ZFPM2: variants seen among roughly 807,000 people sequenced by gnomAD.
The protein encoded by ZFPM2 is zinc finger protein ZFPM2.
A neutral mutation model predicts 98.6 loss-of-function variants in ZFPM2; 20 were observed. The ratio of observed to expected loss-of-function variants is 0.20; its 90% CI spans 0.14 to 0.29. The LOEUF (loss-of-function observed/expected upper bound fraction) is 0.29. Ranked by LOEUF, ZFPM2 falls within the 10% of genes least tolerant of loss-of-function variation. The pLI is 1.00. For missense variants in ZFPM2, 1,310 were observed against 1,388.6 expected (o/e 0.94, Z 0.90); for synonymous variants, 518 against 502.7 (o/e 1.03, Z -0.41).
intron 5 of ZFPM2, among the ~76,000 whole-genome samples, chr8:105,710,875 G>C (rs1209355697): frequency 1.3e-5 from 2 of 151,974 alleles, no homozygotes; most frequent in Non-Finnish European, 2.9e-5. Context: ...TATTCGTAAG[G>C]TCATTATGAA....
chr8:105,425,917 G>A (rs1811898424), intron 2 of ZFPM2, among the ~76,000 whole-genome samples: 1 of 152,138 alleles, frequency 6.6e-6, no homozygotes, highest in Non-Finnish European at 1.5e-5. Context: ...TTGATCCCAT[G>A]TCAAACATCA....
chr8:105,532,108 C>T (rs1160855645), intron 3 of ZFPM2, among the ~76,000 whole-genome samples: 1 of 152,036 alleles, frequency 6.6e-6, no homozygotes, highest in African/African-American at 2.4e-5. Flanking sequence ...AGCCATGTTG[C>T]CCAGGCTTGT....
intron 3 of ZFPM2, among the ~76,000 whole-genome samples, chr8:105,499,083 C>T (rs528639164): frequency 6.6e-6 from 1 of 152,268 alleles, no homozygotes; most frequent in Admixed American, 6.5e-5. Flanking sequence ...GCCTCAGCCT[C>T]TTGTCCCCTC....
intron 5 of ZFPM2, among the ~76,000 whole-genome samples, chr8:105,647,141 C>G (rs562770599): frequency 6.6e-6 from 1 of 152,158 alleles, no homozygotes; most frequent in Admixed American, 6.5e-5. Context: ...TGGCCTGCAG[C>G]TCTTCAAGTA....
chr8:105,389,040 G>GTT (rs1811056820), intron 1 of ZFPM2, among the ~76,000 whole-genome samples: 1 of 149,298 alleles, frequency 6.7e-6, no homozygotes, highest in Non-Finnish European at 1.5e-5. Flanking sequence ...GTGTGTGTGT[G>GTT]TGTGTGTGTG....
intron 6 of ZFPM2, chr8:105,796,763 T>C (rs1435334352): frequency 6.6e-6 from 1 of 152,192 alleles, no homozygotes; most frequent in African/African-American, 2.4e-5. Flanking sequence ...TCTGTATTTC[T>C]TACAGAAATA....
At chr8:105,474,342 A>G (rs371787778) in intron 3 of ZFPM2, among the ~76,000 whole-genome samples, 17 of 152,332 alleles carry the variant, frequency 1.1e-4, no homozygotes, top group Admixed American at 4.6e-4. Flanking sequence ...ACAATTTTCA[A>G]TCCAGCTACA....
At chr8:105,629,365 G>A (rs1464008556) in intron 4 of ZFPM2, among the ~76,000 whole-genome samples, 3 of 152,146 alleles carry the variant, frequency 2.0e-5, no homozygotes, top group African/African-American at 4.8e-5. Flanking sequence ...GAATAACAAG[G>A]TATATTTGAT....
At chr8:105,577,435 T>C (rs1815490959) in intron 4 of ZFPM2, among the ~76,000 whole-genome samples, 1 of 148,076 alleles carries the variant, frequency 6.8e-6, no homozygotes, top group African/African-American at 2.5e-5. Flanking sequence ...TTCTTTATAC[T>C]CTTAACTTAC....
chr8:105,408,403 A>C (rs1811506945), intron 1 of ZFPM2, among the ~76,000 whole-genome samples: 1 of 151,850 alleles, frequency 6.6e-6, no homozygotes, highest in Admixed American at 6.6e-5. Context: ...CTTGTAATAA[A>C]GTTCCGTGTT....
intron 4 of ZFPM2, among the ~76,000 whole-genome samples, chr8:105,621,648 T>C (rs979502054): frequency 6.6e-6 from 1 of 152,176 alleles, no homozygotes; most frequent in African/African-American, 2.4e-5. Flanking sequence ...TATAATGAGC[T>C]TGATTATTAA....
intron 3 of ZFPM2, among the ~76,000 whole-genome samples, chr8:105,523,675 T>C (rs1814110586): frequency 6.6e-6 from 1 of 152,222 alleles, no homozygotes; most frequent in South Asian, 2.1e-4. Flanking sequence ...TGGTTGTTAC[T>C]ATGTTGGTGA....
chr8:105,442,507 G>C (rs533475271), intron 2 of ZFPM2, among the ~76,000 whole-genome samples: 1 of 152,254 alleles, frequency 6.6e-6, no homozygotes, highest in South Asian at 2.1e-4. Context: ...AAACATAGTA[G>C]ATGCTCAATA....
chr8:105,344,177 G>A (rs979490325), intron 1 of ZFPM2, among the ~76,000 whole-genome samples: 4 of 152,054 alleles, frequency 2.6e-5, no homozygotes, highest in African/African-American at 9.7e-5. Context: ...CAACTCATGG[G>A]AATTGTCAGA....
At chr8:105,751,792 G>GT (rs1812483639) in intron 5 of ZFPM2, among the ~76,000 whole-genome samples, 1 of 145,458 alleles carries the variant, frequency 6.9e-6, no homozygotes, top group South Asian at 2.2e-4. Context: ...TAGGTAGATT[G>GT]TTAAAAAAAA....
chr8:105,448,826 C>T (rs981445166), intron 3 of ZFPM2, among the ~76,000 whole-genome samples: 6 of 152,030 alleles, frequency 3.9e-5, no homozygotes, highest in East Asian at 1.9e-4. Flanking sequence ...ACTTGCTAAA[C>T]GTAAGTGGTC....
At chr8:105,773,071 TTAAA>T (rs1813016981) in intron 5 of ZFPM2, among the ~76,000 whole-genome samples, 1 of 152,154 alleles carries the variant, frequency 6.6e-6, no homozygotes, top group Non-Finnish European at 1.5e-5. Flanking sequence ...TAGAATAGAA[TTAAA>T]TAAATAAAGC....
intron 5 of ZFPM2, among the ~76,000 whole-genome samples, chr8:105,761,256 C>T (rs114914246): frequency 2.8e-4 from 42 of 152,142 alleles, no homozygotes; most frequent in African/African-American, 7.9e-4. Context: ...CTTTTAAGAG[C>T]ACAGAGTAAG....
At chr8:105,563,437 A>C (rs1384318664) in intron 4 of ZFPM2, among the ~76,000 whole-genome samples, 1 of 152,206 alleles carries the variant, frequency 6.6e-6, no homozygotes, top group African/African-American at 2.4e-5. Context: ...GGGTTTTCAC[A>C]TACATTTAAG....
Sources: gnomAD v4.1 joint callset for allele counts (sites outside exome capture counted in the v4.1 genomes callset) on GRCh38, gnomAD v4.1.1 for gene constraint, MANE v1.5 for transcripts, NCBI Gene and HGNC (gene_info 2026-07-23, HGNC 2026-07-21) for gene names.